LRMDA: variants seen among roughly 807,000 people sequenced by gnomAD.
LRMDA encodes leucine-rich melanocyte differentiation-associated protein.
A neutral mutation model predicts 29.8 loss-of-function variants in LRMDA; 18 were observed. The observed-to-expected ratio is 0.60, with a 90% CI of 0.42 to 0.90. The LOEUF is 0.90. Among genes scored for constraint, LRMDA ranks in the 40% least tolerant of loss-of-function variants. The probability of loss-of-function intolerance (pLI) is 0.00; values close to 1 mark genes in which losing one functional copy is unlikely to be tolerated. For synonymous variants in LRMDA, 125 were observed against 109.4 expected, an observed-to-expected ratio of 1.14 and a Z score of -0.89; for missense variants, 273 against 273.9, an observed-to-expected ratio of 1.00 and a Z score of 0.02.
chr10:76,255,900 A>C (rs1852585724), intron 5 of LRMDA, among the ~76,000 whole-genome samples: 1 of 152,238 alleles, frequency 6.6e-6, no homozygotes, highest in Admixed American at 6.5e-5. Flanking sequence ...ACCAGCTATA[A>C]AGCAGATGAA....
At chr10:76,245,471 C>T (rs1006433124) in intron 5 of LRMDA, among the ~76,000 whole-genome samples, 1 of 152,116 alleles carries the variant, frequency 6.6e-6, no homozygotes, top group Admixed American at 6.5e-5. Flanking sequence ...CCCTATGTCT[C>T]CGAGCACATT....
intron 2 of LRMDA, among the ~76,000 whole-genome samples, chr10:75,779,563 A>G (rs539139448): frequency 1.6e-3 from 244 of 152,338 alleles, no homozygotes; most frequent in African/African-American, 5.6e-3. Flanking sequence ...GAGCTAGGGC[A>G]TCATGCTTGG....
At chr10:76,408,120 A>G (rs191511207) in intron 6 of LRMDA, among the ~76,000 whole-genome samples, 5 of 152,326 alleles carry the variant, frequency 3.3e-5, no homozygotes, top group African/African-American at 1.2e-4. Context: ...AAGAAAGGAA[A>G]ATGCAGAACA....
At chr10:76,305,002 C>T (rs184432044) in intron 5 of LRMDA, among the ~76,000 whole-genome samples, 21 of 152,238 alleles carry the variant, frequency 1.4e-4, no homozygotes, top group East Asian at 1.2e-3. Context: ...TGAATCACTA[C>T]GTTTTTAAGC....
chr10:76,430,093 G>A (rs1842175456), intron 6 of LRMDA, among the ~76,000 whole-genome samples: 1 of 152,188 alleles, frequency 6.6e-6, no homozygotes, highest in Non-Finnish European at 1.5e-5. Flanking sequence ...TAGCCTGGTA[G>A]GATTTTGTTT....
At chr10:75,557,308 T>A (rs1285645682) in intron 2 of LRMDA, among the ~76,000 whole-genome samples, 1 of 125,086 alleles carries the variant, frequency 8.0e-6, no homozygotes, top group Non-Finnish European at 1.8e-5. Context: ...AGCGAGACTC[T>A]GTCTCAATTA....
At chr10:76,163,702 CAA>C (rs556294569) in intron 5 of LRMDA, among the ~76,000 whole-genome samples, 2 of 152,058 alleles carry the variant, frequency 1.3e-5, no homozygotes, top group Admixed American at 6.5e-5. Flanking sequence ...TTGGAGATCA[CAA>C]AAATGTGAAC....
chr10:75,456,343 C>G (rs1844517550), intron 2 of LRMDA, among the ~76,000 whole-genome samples: 1 of 152,262 alleles, frequency 6.6e-6, no homozygotes, highest in South Asian at 2.1e-4. Flanking sequence ...TGGGCTGGCT[C>G]TGTGCTCGTT....
chr10:76,358,804 A>T (rs1841273973), intron 6 of LRMDA, among the ~76,000 whole-genome samples: 1 of 152,260 alleles, frequency 6.6e-6, no homozygotes, highest in Non-Finnish European at 1.5e-5. Flanking sequence ...GGGGTTGAGT[A>T]GGACTTACAT....
At chr10:76,350,417 A>G (rs1430059034) in intron 6 of LRMDA, among the ~76,000 whole-genome samples, 1 of 152,110 alleles carries the variant, frequency 6.6e-6, no homozygotes, top group Non-Finnish European at 1.5e-5. Flanking sequence ...TTTGTTCAAA[A>G]GAAACGTTCA....
chr10:76,300,426 C>G (rs1840465950), intron 5 of LRMDA, among the ~76,000 whole-genome samples: 1 of 152,182 alleles, frequency 6.6e-6, no homozygotes, highest in Admixed American at 6.5e-5. Flanking sequence ...GGAAAGCAGG[C>G]AAGAAAGCTG....
At chr10:76,053,837 G>A (rs1329895804) in intron 4 of LRMDA, among the ~76,000 whole-genome samples, 4 of 152,146 alleles carry the variant, frequency 2.6e-5, no homozygotes, top group South Asian at 2.1e-4. Context: ...TTATTTTCAC[G>A]AGGACATTGG....
intron 5 of LRMDA, among the ~76,000 whole-genome samples, chr10:76,064,424 C>T (rs564401877): frequency 1.8e-3 from 272 of 152,272 alleles, no homozygotes; most frequent in Non-Finnish European, 3.3e-3. Flanking sequence ...AGTAGCTCTT[C>T]TCATGAAACA....
At chr10:75,903,703 A>T (rs1845715161) in intron 2 of LRMDA, among the ~76,000 whole-genome samples, 1 of 152,216 alleles carries the variant, frequency 6.6e-6, no homozygotes, top group South Asian at 2.1e-4. Flanking sequence ...TGCTGCTGAA[A>T]TGCAGCCACT....
intron 6 of LRMDA, among the ~76,000 whole-genome samples, chr10:76,506,062 G>T (rs903829181): frequency 2.0e-5 from 3 of 152,034 alleles, no homozygotes; most frequent in Non-Finnish European, 4.4e-5. Context: ...ATCTATGCAG[G>T]GTTCCCAGCT....
chr10:76,210,250 C>G (rs2132244514), intron 5 of LRMDA, among the ~76,000 whole-genome samples: 1 of 152,274 alleles, frequency 6.6e-6, no homozygotes, highest in South Asian at 2.1e-4. Flanking sequence ...TGGTTTCAAG[C>G]CCTGCTACTA....
intron 5 of LRMDA, among the ~76,000 whole-genome samples, chr10:76,253,410 A>G (rs764073218): frequency 3.9e-5 from 6 of 152,074 alleles, no homozygotes; most frequent in African/African-American, 9.7e-5. Flanking sequence ...AAATCAATTT[A>G]TAATGTTTAT....
At chr10:76,005,838 G>A (rs1176688794) in intron 2 of LRMDA, among the ~76,000 whole-genome samples, 2 of 151,832 alleles carry the variant, frequency 1.3e-5, no homozygotes, top group Admixed American at 6.6e-5. Context: ...ACTGAGGCAG[G>A]AGAATGGCGT....
chr10:75,746,939 G>T (rs1182783096), intron 2 of LRMDA, among the ~76,000 whole-genome samples: 1 of 152,010 alleles, frequency 6.6e-6, no homozygotes, highest in Non-Finnish European at 1.5e-5. Context: ...TCTTATTGGG[G>T]TAATTCCTTT....
Sources: allele counts gnomAD v4.1 joint callset (sites outside exome capture counted in the v4.1 genomes callset), GRCh38; gene constraint gnomAD v4.1.1; transcripts MANE v1.5; gene names NCBI Gene and HGNC (gene_info 2026-07-23, HGNC 2026-07-21).